PDE8B: variants seen among roughly 807,000 people sequenced by gnomAD.
The protein encoded by PDE8B is high affinity cAMP-specific and IBMX-insensitive 3',5'-cyclic phosphodiesterase 8B.
PDE8B carries 26 observed loss-of-function variants against 101.3 expected under a neutral mutation model. The observed-to-expected ratio is 0.26, with a 90% confidence interval of 0.19 to 0.36. The LOEUF is 0.36. PDE8B is among the 10% of genes least tolerant of loss of function. The pLI is 1.00. For missense variants in PDE8B, 810 were observed against 1,163.1 expected (o/e 0.70, Z 4.42); for synonymous variants, 424 against 429.3 (o/e 0.99, Z 0.15).
intron 1 of PDE8B, among the ~76,000 whole-genome samples, chr5:77,218,886 G>GA (rs1750413100): frequency 6.6e-6 from 1 of 152,050 alleles, no homozygotes; most frequent in South Asian, 2.1e-4. Flanking sequence ...TTTTTTAATG[G>GA]AAAATATATC....
At chr5:77,296,026 T>C (rs1768464492) in intron 1 of PDE8B, among the ~76,000 whole-genome samples, 1 of 152,186 alleles carries the variant, frequency 6.6e-6, no homozygotes, top group African/African-American at 2.4e-5. Context: ...CCAAGTCAAA[T>C]GACTACCCCT....
intron 10 of PDE8B, among the ~76,000 whole-genome samples, chr5:77,354,649 A>T (rs1781756965): frequency 6.6e-6 from 1 of 152,192 alleles, no homozygotes; most frequent in African/African-American, 2.4e-5. Context: ...TCCACAGTAG[A>T]GGACACAGGT....
At chr5:77,137,678 C>A in the PDE8B span, among the ~76,000 whole-genome samples, 1 of 152,166 alleles carries the variant, frequency 6.6e-6, no homozygotes, top group African/African-American at 2.4e-5. Flanking sequence ...AACATAAAGT[C>A]ACACCTTTGC....
intron 1 of PDE8B, among the ~76,000 whole-genome samples, chr5:77,214,635 T>G (rs545986867): frequency 3.9e-5 from 6 of 152,226 alleles, no homozygotes; most frequent in Non-Finnish European, 7.3e-5. Flanking sequence ...TAAATAGATA[T>G]TCCACTGACC....
At chr5:77,213,703 A>G (rs1749015072) in intron 1 of PDE8B, among the ~76,000 whole-genome samples, 1 of 152,244 alleles carries the variant, frequency 6.6e-6, no homozygotes, top group East Asian at 1.9e-4. Context: ...AGGTTGTAAT[A>G]GTTTCCACCC....
the PDE8B span, among the ~76,000 whole-genome samples, chr5:77,101,867 G>C: frequency 2.0e-5 from 3 of 152,204 alleles, no homozygotes; most frequent in Admixed American, 6.5e-5. Flanking sequence ...GCTGCGGGGT[G>C]GGGGAGAGAT....
intron 6 of PDE8B, among the ~76,000 whole-genome samples, chr5:77,340,829 A>G (rs1211472543): frequency 1.3e-5 from 2 of 152,144 alleles, no homozygotes; most frequent in South Asian, 4.1e-4. Context: ...TCCACTCAGC[A>G]TAGCACTATA....
At chr5:77,150,481 A>C in the PDE8B span, among the ~76,000 whole-genome samples, 1 of 152,132 alleles carries the variant, frequency 6.6e-6, no homozygotes, top group Non-Finnish European at 1.5e-5. Flanking sequence ...AATGATCTGC[A>C]CCCAAGTCCT....
At chr5:77,133,685 A>C in the PDE8B span, among the ~76,000 whole-genome samples, 1 of 152,142 alleles carries the variant, frequency 6.6e-6, no homozygotes, top group Non-Finnish European at 1.5e-5. Flanking sequence ...TATGTACCTA[A>C]AAATATTTGG....
At chr5:77,349,374 T>C in intron 7 of PDE8B, 45 bp from the exon 8 acceptor site, 1 of 1,612,600 alleles carries the variant, frequency 6.2e-7, no homozygotes, top group Non-Finnish European at 8.5e-7. Flanking sequence ...TCATGAATTC[T>C]GTCTTGTGTC....
rs1319256246 is a variant in PDE8B at position 77,418,464 on chromosome 5, T to G, written c.2129+18T>G. The G allele has an allele frequency of 6.4e-7, 1 of 1,574,094 alleles. No homozygotes were observed. The highest frequency in any genetic ancestry group is 1.7e-5 in the Admixed American group (1 of 59,000). Reference sequence around the variant, plus strand: ...ATTGACAGGTTTGTTGTGCTGGGGCTCCTGTGCTCAAGTTTGTGAAGTTTA... The same window carrying G: ...ATTGACAGGTTTGTTGTGCTGGGGCGCCTGTGCTCAAGTTTGTGAAGTTTA... On this transcript the variant is annotated intron_variant, in intron 18 of 21. Coordinates refer to ENST00000264917, the MANE Select transcript of PDE8B (RefSeq NM_003719.5).
At chr5:77,308,280 A>G (rs1020999902) in intron 1 of PDE8B, among the ~76,000 whole-genome samples, 16 of 152,198 alleles carry the variant, frequency 1.1e-4, no homozygotes, top group Non-Finnish European at 2.2e-4. Context: ...AAGGCAGGCC[A>G]AGAGACACAA....
chr5:77,349,776 G>A (rs1400673474), intron 8 of PDE8B, among the ~76,000 whole-genome samples: 1 of 152,264 alleles, frequency 6.6e-6, no homozygotes, highest in Non-Finnish European at 1.5e-5. Flanking sequence ...GTGATTTTGT[G>A]TGAAAACATT....
At chr5:77,390,594 T>C (rs765333731) in intron 10 of PDE8B, among the ~76,000 whole-genome samples, 7 of 152,234 alleles carry the variant, frequency 4.6e-5, no homozygotes, top group African/African-American at 1.4e-4. Flanking sequence ...ATTGATGCCA[T>C]TGAATCCCCG....
intron 6 of PDE8B, among the ~76,000 whole-genome samples, chr5:77,342,420 C>T (rs1385097954): frequency 6.6e-6 from 1 of 152,084 alleles, no homozygotes; most frequent in Non-Finnish European, 1.5e-5. Context: ...CAGATTTCAC[C>T]CAGTTCTTTC....
chr5:77,098,976 G>T, the PDE8B span, among the ~76,000 whole-genome samples: 1 of 152,220 alleles, frequency 6.6e-6, no homozygotes, highest in Non-Finnish European at 1.5e-5. Context: ...TGTCAACACT[G>T]TTGCACTGGG....
chr5:77,254,738 T>G (rs1580604234), intron 1 of PDE8B, among the ~76,000 whole-genome samples: 1 of 152,214 alleles, frequency 6.6e-6, no homozygotes, highest in Non-Finnish European at 1.5e-5. Flanking sequence ...ATAACTGATT[T>G]CTTTTGTGCC....
chr5:77,421,728 G>A, intron 19 of PDE8B, 93 bp from the exon 20 acceptor site: 2 of 1,205,988 alleles, frequency 1.7e-6, no homozygotes, highest in Non-Finnish European at 2.4e-6. Flanking sequence ...CTACCTGTGT[G>A]CTCGGTGATC....
intron 10 of PDE8B, among the ~76,000 whole-genome samples, chr5:77,390,447 A>T (rs1789673692): frequency 6.6e-6 from 1 of 152,188 alleles, no homozygotes. Flanking sequence ...CAAACTAAGC[A>T]CTAAAGCCTT....
Sources: allele counts gnomAD v4.1 joint callset (sites outside exome capture counted in the v4.1 genomes callset), GRCh38; gene constraint gnomAD v4.1.1; transcripts MANE v1.5; gene names NCBI Gene and HGNC (gene_info 2026-07-23, HGNC 2026-07-21).